SOX5: variants seen among roughly 807,000 people sequenced by gnomAD.
SOX5 encodes SRY-box transcription factor 5.
A neutral mutation model predicts 92.0 loss-of-function variants in SOX5; 9 were observed. The observed-to-expected ratio is 0.10, with a 90% CI of 0.06 to 0.17. The LOEUF is 0.17. Ranked by LOEUF, SOX5 falls within the 10% of genes least tolerant of loss-of-function variation. SOX5 has a pLI of 1.00. For synonymous variants in SOX5, 344 were observed against 336.3 expected (o/e 1.02, Z -0.25); for missense variants, 642 against 944.5 (o/e 0.68, Z 4.20).
At chr12:24,204,736 C>T (rs1238809121) in intron 4 of SOX5, among the ~76,000 whole-genome samples, 1 of 152,114 alleles carries the variant, frequency 6.6e-6, no homozygotes, top group Non-Finnish European at 1.5e-5. Context: ...TAGACATCAC[C>T]AACTTCTCTC....
intron 2 of SOX5, among the ~76,000 whole-genome samples, chr12:23,864,544 T>G (rs1423663992): frequency 3.9e-5 from 6 of 152,042 alleles, no homozygotes; most frequent in African/African-American, 1.5e-4. Context: ...AACACACAAA[T>G]GATAAGAAAC....
chr12:24,140,460 G>C (rs1402439518), intron 4 of SOX5, among the ~76,000 whole-genome samples: 3 of 152,084 alleles, frequency 2.0e-5, no homozygotes, highest in African/African-American at 7.2e-5. Context: ...ACCATTATAA[G>C]TAAAGACTAT....
At chr12:24,337,728 T>C (rs1952070850) in intron 2 of SOX5, among the ~76,000 whole-genome samples, 1 of 152,184 alleles carries the variant, frequency 6.6e-6, no homozygotes, top group South Asian at 2.1e-4. Flanking sequence ...AAATAATCAG[T>C]TTTAAGAGTG....
rs558885099 is a variant in SOX5, at chr12:23,570,685, C to T, written c.1342+4976G>A. 1.6e-3 allele frequency among the ~76,000 whole-genome samples: 241 copies of T among 151,218 alleles called. 1 individual carries two copies. In the South Asian group the frequency reaches 0.019, roughly 12 times the overall value. The stretch of plus-strand genomic sequence containing the variant: ...CAGCACTTTGGGAGGCCCAGGCAGG[C>T]GGATCACGAGGTCAGGAGATCGAGA... On this transcript the variant is annotated intron_variant, in intron 10 of 14. Transcript: ENST00000451604.
intron 4 of SOX5, among the ~76,000 whole-genome samples, chr12:24,194,352 T>C (rs1043150030): frequency 1.3e-5 from 2 of 152,032 alleles, no homozygotes; most frequent in African/African-American, 4.8e-5. Flanking sequence ...ATATAATAAA[T>C]ATGGAACCCA....
chr12:24,195,628 A>G (rs1956938136), intron 4 of SOX5, among the ~76,000 whole-genome samples: 1 of 152,320 alleles, frequency 6.6e-6, no homozygotes, highest in South Asian at 2.1e-4. Flanking sequence ...TATTGGACCT[A>G]TGTGGTCCAA....
At chr12:23,912,307 G>A (rs1279076166) in intron 1 of SOX5, among the ~76,000 whole-genome samples, 1 of 152,104 alleles carries the variant, frequency 6.6e-6, no homozygotes, top group African/African-American at 2.4e-5. Context: ...AGATGTCACT[G>A]CACATCTGCT....
intron 3 of SOX5, among the ~76,000 whole-genome samples, chr12:23,789,351 G>A (rs972478822): frequency 1.3e-5 from 2 of 152,020 alleles, no homozygotes; most frequent in African/African-American, 4.8e-5. Context: ...CAAGGAACAT[G>A]CGTTTTTTTC....
chr12:23,660,701 G>C (rs1170930043), intron 7 of SOX5, among the ~76,000 whole-genome samples: 1 of 122,048 alleles, frequency 8.2e-6, no homozygotes, highest in African/African-American at 3.0e-5. Context: ...ATAACTTCCA[G>C]GTTAAAAAAA....
chr12:24,523,965 G>C (rs1293000883), intron 1 of SOX5, among the ~76,000 whole-genome samples: 1 of 152,224 alleles, frequency 6.6e-6, no homozygotes, highest in Non-Finnish European at 1.5e-5. Flanking sequence ...TATTAAATGA[G>C]AAAACATATT....
chr12:24,063,775 A>T (rs1940169361), intron 4 of SOX5, among the ~76,000 whole-genome samples: 1 of 152,188 alleles, frequency 6.6e-6, no homozygotes. Flanking sequence ...AAAACTCTGG[A>T]CTTGGAATCA....
At position 23,563,219 on chromosome 12, in the gene SOX5, TTAAG is replaced by T. The variant is rs1946520528; in HGVS notation, c.1488+35_1488+38del. On this transcript the variant is annotated intron_variant, in intron 11 of 14. Coordinates refer to ENST00000451604, the MANE Select transcript of SOX5 (RefSeq NM_006940.6). Reference sequence around the variant, plus strand: ...TTTAAAAAAGCATTAGGCAATTTAATTAAGTATTTCTAGAAAGTAAGTTATTTTA... The same window carrying T: ...TTTAAAAAAGCATTAGGCAATTTAATTATTTCTAGAAAGTAAGTTATTTTA... 4.0e-6 allele frequency: 6 copies of T among 1,502,002 alleles called. No individual in the cohort carries two copies. The East Asian group carries it at 9.3e-5, about 23-fold the overall frequency. The allele number at this position is 1,502,002 out of a possible 1,614,324, so 93.0% of individuals were successfully genotyped here.
At chr12:23,769,563 A>G (rs1336170031) in intron 3 of SOX5, among the ~76,000 whole-genome samples, 1 of 152,152 alleles carries the variant, frequency 6.6e-6, no homozygotes, top group African/African-American at 2.4e-5. Flanking sequence ...TAAATTACAA[A>G]CAGTGACCTA....
At chr12:23,816,312 C>T (rs569404543) in intron 3 of SOX5, among the ~76,000 whole-genome samples, 316 of 151,382 alleles carry the variant, frequency 2.1e-3, no homozygotes, top group African/African-American at 7.2e-3. Flanking sequence ...AGGGTTCAAG[C>T]GATTCTCCTG....
At chr12:23,853,351 C>T (rs984955146) in intron 2 of SOX5, among the ~76,000 whole-genome samples, 9 of 151,378 alleles carry the variant, frequency 5.9e-5, no homozygotes, top group Non-Finnish European at 1.2e-4. Context: ...ATCTCATTTA[C>T]AATATGAAAA....
At chr12:23,985,488 T>A (rs1263201316) in intron 4 of SOX5, among the ~76,000 whole-genome samples, 2 of 152,140 alleles carry the variant, frequency 1.3e-5, no homozygotes, top group Non-Finnish European at 2.9e-5. Context: ...GCAGATAACT[T>A]AAAGTTTGTA....
intron 1 of SOX5, among the ~76,000 whole-genome samples, chr12:24,519,045 T>C (rs994878098): frequency 2.0e-5 from 3 of 152,162 alleles, no homozygotes; most frequent in Non-Finnish European, 4.4e-5. Flanking sequence ...AAAATCTTTA[T>C]TTTGGGTACG....
At chr12:24,177,743 ACAC>A in intron 4 of SOX5, among the ~76,000 whole-genome samples, 2 of 151,092 alleles carry the variant, frequency 1.3e-5, no homozygotes, top group South Asian at 4.2e-4. Flanking sequence ...AAAATTAATA[ACAC>A]TCACAGGGTC....
chr12:24,309,870 G>A (rs950057330), intron 2 of SOX5, among the ~76,000 whole-genome samples: 2 of 152,094 alleles, frequency 1.3e-5, no homozygotes, highest in Non-Finnish European at 2.9e-5. Flanking sequence ...TTCTTAACAT[G>A]CCCTATCAGT....
Sources: gnomAD v4.1 joint callset for allele counts (sites outside exome capture counted in the v4.1 genomes callset) on GRCh38, gnomAD v4.1.1 for gene constraint, MANE v1.5 for transcripts, NCBI Gene and HGNC (gene_info 2026-07-23, HGNC 2026-07-21) for gene names.